TERF2: variants seen among roughly 807,000 people sequenced by gnomAD.
The protein encoded by TERF2 is telomeric repeat-binding factor 2.
In TERF2, 16 loss-of-function variants were observed where a neutral mutation model predicts 56.1. The ratio of observed to expected loss-of-function variants is 0.29; its 90% CI spans 0.19 to 0.43. TERF2 has a LOEUF of 0.43. TERF2 is among the 20% of genes least tolerant of loss of function. The pLI, the probability that TERF2 is intolerant of heterozygous loss-of-function variation, is 1.00. For missense variants in TERF2, 547 were observed against 712.9 expected, an observed-to-expected ratio of 0.77 and a Z score of 2.65; for synonymous variants, 296 against 282.1, an observed-to-expected ratio of 1.05 and a Z score of -0.50.
At position 69,356,772 on chromosome 16, in the gene TERF2, C is replaced by T; in HGVS notation, c.*126G>A. On this transcript the variant is annotated 3_prime_UTR_variant, in exon 10 of 10. Transcript: ENST00000254942. ...CCGAGATCACGCCACTGCACTCCAG[C>T]CTGGGTGACAGAGCGAGACTCTGTC... 1 of 1,113,662 alleles carries T rather than the reference C, an allele frequency of 9.0e-7. No homozygotes were observed. The highest frequency in any genetic ancestry group is 1.7e-5 in the South Asian group (1 of 58,198). The allele number at this position is 1,113,662 out of a possible 1,614,324, so 69.0% of individuals were successfully genotyped here.
At position 69,370,620 on chromosome 16, in the gene TERF2, T is replaced by C; in HGVS notation, c.703A>G (p.Asn235Asp). ...SKDPTTQKLR[N>D]DLLNIIREKN... The stretch of plus-strand genomic sequence containing the variant: ...TCTCGAATAATATTCAGGAGATCAT[T>C]TCTCAGCTTCTACACAATGGACCGA... The change falls in exon 5 of 10, where the codon AAT (asparagine) becomes GAT (aspartate). Residue 235 changes from asparagine (N) to aspartate (D), a missense_variant. This residue lies in a region of TERF2 where 97 missense variants were observed against 157.0 expected (regional missense o/e 0.62). Transcript: ENST00000254942. 1 of 1,609,544 alleles carries C rather than the reference T, an allele frequency of 6.2e-7. No individual in the cohort carries two copies. The highest frequency in any genetic ancestry group is 1.3e-5 in the African/African-American group (1 of 74,832).
intron 7 of TERF2, among the ~76,000 whole-genome samples, chr16:69,361,914 G>A (rs1054469101): frequency 6.0e-5 from 9 of 151,076 alleles, no homozygotes; most frequent in Admixed American, 4.0e-4. Flanking sequence ...TCAAGCTCAC[G>A]GCGCCTTTCA....
In TERF2 at chr16:69,355,824, C is replaced by T. The variant is rs1246904032; in HGVS notation, c.*1074G>A. The T allele has an allele frequency of 2.5e-5, 4 of 162,180 alleles. No individual in the cohort carries two copies. Among genetic ancestry groups the T allele is most frequent in the Non-Finnish European group, 5.4e-5 (4 of 74,080 alleles). The allele number at this position is 162,180 out of a possible 1,614,324, so 10.0% of individuals were successfully genotyped here. ...CCATTTCACAAAGAATGAAATTAGG[C>T]ATTTATATTCAATCGGATTTTTTTT... On this transcript the variant is annotated 3_prime_UTR_variant, in exon 10 of 10. Coordinates refer to ENST00000254942, the MANE Select transcript of TERF2 (RefSeq NM_005652.5).
chr16:69,384,536 T>G, intron 3 of TERF2, 44 bp downstream of exon 3: 1 of 1,599,660 alleles, frequency 6.3e-7, no homozygotes, highest in Non-Finnish European at 8.5e-7. Context: ...TCAAAGACCC[T>G]TGATTTTTGG....
chr16:69,356,913 T>A lies in TERF2; in HGVS notation c.1614A>T (p.Arg538Ser), dbSNP rs2142696846. ...AAAGCCTGTTTCAGTTCATGCCAAG[T>A]CTTTTCATGGTCCGCCAGCGATCCT... is the stretch of plus-strand genomic sequence containing the variant. ...MIKDRWRTMKRLGMN is the reference protein window; with the variant it reads ...MIKDRWRTMKSLGMN The change falls in exon 10 of 10, where the codon AGA becomes AGT. Residue 538 changes from arginine (R) to serine (S), a missense_variant. Around this residue, in one of 6 missense-constraint regions of TERF2, gnomAD observed 33 missense variants for 69.9 expected, o/e 0.47. Coordinates refer to ENST00000254942, the MANE Select transcript of TERF2 (RefSeq NM_005652.5). 2 of 1,613,060 alleles carry A rather than the reference T, an allele frequency of 1.2e-6. No homozygotes were observed. Among genetic ancestry groups the A allele is most frequent in the South Asian group, 1.1e-5 (1 of 90,858 alleles).
chr16:69,368,675 A>G (rs2013444598), intron 5 of TERF2, 193 bp from the exon 6 acceptor site: 1 of 1,424,204 alleles, frequency 7.0e-7, no homozygotes, highest in Non-Finnish European at 9.4e-7. Context: ...CAAACTTAAG[A>G]TAACTAATAC....
intron 3 of TERF2, among the ~76,000 whole-genome samples, chr16:69,380,432 G>A (rs959369733): frequency 2.0e-5 from 3 of 151,728 alleles, no homozygotes; most frequent in Admixed American, 6.6e-5. Flanking sequence ...AGGCCAAGGC[G>A]GGTGGATCAT....
chr16:69,358,397 C>T (rs2013001506), intron 8 of TERF2, among the ~76,000 whole-genome samples: 4 of 152,204 alleles, frequency 2.6e-5, no homozygotes, highest in African/African-American at 9.7e-5. Context: ...CCACCCACCT[C>T]GGCCTCCCAA....
intron 3 of TERF2, among the ~76,000 whole-genome samples, chr16:69,383,642 TAAATA>T (rs778408421): frequency 1.7e-4 from 26 of 151,658 alleles, no homozygotes; most frequent in Non-Finnish European, 2.8e-4. Flanking sequence ...CTTAATTAAA[TAAATA>T]AAATATGTGC....
rs1436694369 is a variant in TERF2 at position 69,385,577 on chromosome 16, C to T, written c.379+16G>A. The stretch of plus-strand genomic sequence containing the variant: ...TCCCCGGCGCTCCAACCCCCCTCCC[C>T]CGGCCCGGCCCTCACCCTGCATGAT... On this transcript the variant is annotated intron_variant, in intron 1 of 9. Transcript: ENST00000254942. 2.7e-5 allele frequency: 44 copies of T among 1,605,458 alleles called. No homozygotes were observed. The highest frequency in any genetic ancestry group is 3.5e-5 in the Non-Finnish European group (41 of 1,174,806).
Position 69,366,885 on chromosome 16 carries a change from G to GCC in TERF2, c.1261_1262insGG (p.Ser421TrpfsTer67). ...TGGCGCTGAAGCGGCCTCCTGGGAG[G>GCC]AGTTGAGGCCTGCGCTGGGCTCAGT... On this transcript the variant is annotated frameshift_variant, in exon 7 of 10. Coordinates refer to ENST00000254942, the MANE Select transcript of TERF2 (RefSeq NM_005652.5). LOFTEE classifies it high-confidence loss of function. The GCC allele has an allele frequency of 6.2e-7, 1 of 1,614,248 alleles. No individual in the cohort carries two copies. Among genetic ancestry groups the GCC allele is most frequent in the Non-Finnish European group, 8.5e-7 (1 of 1,180,046 alleles).
rs150757154 is a variant in TERF2 at position 69,357,035 on chromosome 16, C to G, written c.1492G>C (p.Glu498Gln). Residue 498 changes from glutamate to glutamine, a missense_variant, in exon 10 of 10, where the codon GAG becomes CAG. Glu to Gln is a conservative substitution (Grantham distance 29). Transcript: ENST00000254942. ...KKQKWTVEES[E>Q]WVKAGVQKYG... ...TTCTGCACTCCAGCCTTGACCCACT[C>G]GCTTTCTTCTACAGTCCACTTCTGC... 1.9e-6 allele frequency: 3 copies of G among 1,611,822 alleles called. No homozygotes were observed. Among genetic ancestry groups the G allele is most frequent in the Non-Finnish European group, 2.5e-6 (3 of 1,179,398 alleles).
rs1269379329 is a variant in TERF2 at position 69,372,295 on chromosome 16, G to A, written c.667C>T (p.His223Tyr). Residue 223 changes from histidine (H) to tyrosine (Y), a missense_variant, in exon 4 of 10, where the codon CAT (histidine) becomes TAT (tyrosine). His to Tyr is a moderately conservative substitution (Grantham distance 83). Transcript: ENST00000254942. ...FEKASKILKK[H>Y]MSKDPTTQKL... ...TGAGTTGTGGGGTCCTTGGACATAT[G>A]TTTTTTCAAAATTTTTGAAGCCTTT... is the stretch of plus-strand genomic sequence containing the variant. 1.9e-6 allele frequency: 3 copies of A among 1,610,920 alleles called. No individual in the cohort carries two copies. The highest frequency in any genetic ancestry group is 1.7e-6 in the Non-Finnish European group (2 of 1,178,784).
intron 8 of TERF2, 150 bp downstream of exon 8, chr16:69,361,254 C>A (rs1385217075): frequency 3.8e-5 from 21 of 547,944 alleles, no homozygotes; most frequent in Middle Eastern, 3.2e-4. Context: ...AAAAAAAAAA[C>A]TGATTCTTCA....
At chr16:69,382,782 A>G (rs2014051305) in intron 3 of TERF2, among the ~76,000 whole-genome samples, 1 of 152,232 alleles carries the variant, frequency 6.6e-6, no homozygotes, top group East Asian at 1.9e-4. Flanking sequence ...CTGCAAACCT[A>G]GCTGACAGCT....
At chr16:69,369,011 T>C (rs1161962329) in intron 5 of TERF2, among the ~76,000 whole-genome samples, 1 of 152,100 alleles carries the variant, frequency 6.6e-6, no homozygotes, top group African/African-American at 2.4e-5. Context: ...AGTTTGTGTA[T>C]AGAATTTTTA....
At chr16:69,369,559 A>G (rs2013487280) in intron 5 of TERF2, among the ~76,000 whole-genome samples, 1 of 152,122 alleles carries the variant, frequency 6.6e-6, no homozygotes, top group Admixed American at 6.5e-5. Context: ...TTGGCCTCCC[A>G]AAGTGCTGGG....
At chr16:69,369,047 T>G (rs1203710043) in intron 5 of TERF2, among the ~76,000 whole-genome samples, 2 of 90,270 alleles carry the variant, frequency 2.2e-5, no homozygotes, top group Non-Finnish European at 4.7e-5. Context: ...ATGTTTTGCC[T>G]TATTAACAAC....
Position 69,366,888 on chromosome 16 carries a change from T to G in TERF2, c.1259A>C (p.Asn420Thr), listed in dbSNP as rs754713348. ...SQSTEPSAGL[N>T]SSQEAASAPP... ...CGCTGAAGCGGCCTCCTGGGAGGAG[T>G]TGAGGCCTGCGCTGGGCTCAGTACT... is the stretch of plus-strand genomic sequence containing the variant. The change falls in exon 7 of 10, where the codon AAC becomes ACC. Residue 420 changes from asparagine (N) to threonine (T), a missense_variant. Transcript: ENST00000254942. 3.7e-6 allele frequency: 6 copies of G among 1,613,988 alleles called. No individual in the cohort carries two copies. Among genetic ancestry groups the G allele is most frequent in the East Asian group, 2.2e-5 (1 of 44,878 alleles).
Sources: allele counts gnomAD v4.1 joint callset (sites outside exome capture counted in the v4.1 genomes callset), GRCh38; gene constraint gnomAD v4.1.1; regional missense constraint gnomAD v4.1.1; transcripts MANE v1.5; gene names NCBI Gene and HGNC (gene_info 2026-07-23, HGNC 2026-07-21).